GSK3B: variants seen among roughly 807,000 people sequenced by gnomAD.
GSK3B encodes the protein glycogen synthase kinase-3 beta.
Under a neutral mutation model 56.4 loss-of-function variants are expected in GSK3B, and 15 were observed. That is an observed-to-expected ratio of 0.27 (90% CI 0.18 to 0.41). GSK3B has a LOEUF of 0.41. Among genes scored for constraint, GSK3B ranks in the 10% least tolerant of loss-of-function variants. The probability of loss-of-function intolerance (pLI) is 1.00; values close to 1 mark genes in which losing one functional copy is unlikely to be tolerated. For synonymous variants in GSK3B, 181 were observed against 188.9 expected (o/e 0.96, Z 0.34); for missense variants, 300 against 513.4 (o/e 0.58, Z 4.02).
At chr3:120,056,163 G>A (rs1444805519) in intron 1 of GSK3B, among the ~76,000 whole-genome samples, 1 of 152,004 alleles carries the variant, frequency 6.6e-6, no homozygotes, top group Non-Finnish European at 1.5e-5. Context: ...TTTTTATTCT[G>A]GAAAATGTAA....
chr3:119,877,370 C>A (rs1243060154), intron 7 of GSK3B, among the ~76,000 whole-genome samples: 3 of 152,158 alleles, frequency 2.0e-5, no homozygotes, highest in African/African-American at 2.4e-5. Flanking sequence ...TATAACCTTA[C>A]ATCCTCCTAT....
chr3:119,973,581 A>C (rs1201700496), intron 2 of GSK3B, among the ~76,000 whole-genome samples: 1 of 152,246 alleles, frequency 6.6e-6, no homozygotes, highest in Non-Finnish European at 1.5e-5. Flanking sequence ...CTCATCATGT[A>C]GGCATTTTAT....
chr3:120,058,520 T>G (rs1202885254), intron 1 of GSK3B, among the ~76,000 whole-genome samples: 1 of 151,982 alleles, frequency 6.6e-6, no homozygotes, highest in Non-Finnish European at 1.5e-5. Context: ...TTCTTACATC[T>G]CAAGATGCAG....
At chr3:119,954,307 A>AGAATAGAATAGAATAGAATAGAAT (rs1559851422) in intron 2 of GSK3B, among the ~76,000 whole-genome samples, 3 of 121,666 alleles carry the variant, frequency 2.5e-5, no homozygotes, top group East Asian at 2.2e-4. Context: ...TAGAATAGAA[A>AGAATAGAATAGAATAGAATAGAAT]AGAAACAGAA....
intron 1 of GSK3B, among the ~76,000 whole-genome samples, chr3:120,086,495 T>A (rs1576319734): frequency 6.6e-6 from 1 of 152,280 alleles, no homozygotes; most frequent in East Asian, 1.9e-4. Context: ...CCTGCCTCTT[T>A]AAAAGAGAAT....
intron 3 of GSK3B, among the ~76,000 whole-genome samples, chr3:119,937,247 A>T (rs942437798): frequency 1.3e-5 from 2 of 152,018 alleles, no homozygotes; most frequent in Non-Finnish European, 2.9e-5. Context: ...GGTCTAATGG[A>T]AGGTATTTGG....
rs201555172 is a variant in GSK3B, at chr3:120,002,153, T to C, written c.175A>G (p.Thr59Ala). The change falls in exon 2 of 11, where the codon ACT becomes GCT. Residue 59 changes from threonine (T) to alanine (A), a missense_variant. Coordinates refer to ENST00000264235, the MANE Select transcript of GSK3B (RefSeq NM_001146156.2). Reference protein sequence around the residue: ...DRPQEVSYTDTKVIGNGSFGV... With the variant: ...DRPQEVSYTDAKVIGNGSFGV... The stretch of plus-strand genomic sequence containing the variant: ...AATGATCCATTTCCAATCACTTTAG[T>C]GTCTGTATAGCTGACTTCTTGTGGC... The C allele has an allele frequency of 3.1e-6, 5 of 1,612,468 alleles. No individual in the cohort carries two copies. Among genetic ancestry groups the C allele is most frequent in the Non-Finnish European group, 3.4e-6 (4 of 1,179,178 alleles).
chr3:120,036,878 G>A (rs1483156312), intron 1 of GSK3B, among the ~76,000 whole-genome samples: 1 of 150,458 alleles, frequency 6.6e-6, no homozygotes, highest in Non-Finnish European at 1.5e-5. Flanking sequence ...AAAATAATAT[G>A]CTACAATAAA....
At chr3:119,855,557 T>C (rs1431281780) in intron 9 of GSK3B, among the ~76,000 whole-genome samples, 1 of 152,124 alleles carries the variant, frequency 6.6e-6, no homozygotes, top group Non-Finnish European at 1.5e-5. Flanking sequence ...CTATTCACAA[T>C]AGCGAAGACT....
chr3:119,933,320 C>T (rs937197976), intron 3 of GSK3B, among the ~76,000 whole-genome samples: 9 of 152,120 alleles, frequency 5.9e-5, no homozygotes, highest in Non-Finnish European at 1.3e-4. Flanking sequence ...TTGTGAAAGT[C>T]CAAACTCATG....
chr3:120,009,698 G>T (rs1273852152), intron 1 of GSK3B, among the ~76,000 whole-genome samples: 1 of 152,072 alleles, frequency 6.6e-6, no homozygotes, highest in Admixed American at 6.5e-5. Flanking sequence ...GGGGGGTGGG[G>T]GGCTAGGGGA....
intron 1 of GSK3B, among the ~76,000 whole-genome samples, chr3:120,017,270 G>C (rs910570944): frequency 5.9e-5 from 9 of 152,122 alleles, no homozygotes; most frequent in African/African-American, 2.2e-4. Context: ...TCCAGTCAGT[G>C]GTCACATTCT....
intron 1 of GSK3B, among the ~76,000 whole-genome samples, chr3:120,082,807 T>C (rs540891306): frequency 1.2e-4 from 18 of 152,336 alleles, no homozygotes; most frequent in Admixed American, 3.3e-4. Context: ...CATCTTGATA[T>C]ATTATTAGTT....
At chr3:120,087,324 A>G (rs2058471484) in intron 1 of GSK3B, among the ~76,000 whole-genome samples, 2 of 152,180 alleles carry the variant, frequency 1.3e-5, no homozygotes, top group African/African-American at 4.8e-5. Flanking sequence ...CAAGGTCAGG[A>G]TTTTGAGACC....
intron 2 of GSK3B, among the ~76,000 whole-genome samples, chr3:119,992,848 T>C (rs546612681): frequency 3.3e-5 from 5 of 151,832 alleles, no homozygotes; most frequent in Non-Finnish European, 4.4e-5. Flanking sequence ...GTACTCAAAA[T>C]AGGAAGATTG....
chr3:119,855,092 T>C (rs2055998553), intron 9 of GSK3B, among the ~76,000 whole-genome samples: 2 of 152,248 alleles, frequency 1.3e-5, no homozygotes, highest in Admixed American at 1.3e-4. Context: ...CTGCTTTAAA[T>C]GTGTCCCAGA....
chr3:119,910,390 T>C (rs1343042364), intron 6 of GSK3B, among the ~76,000 whole-genome samples: 2 of 152,198 alleles, frequency 1.3e-5, no homozygotes, highest in Non-Finnish European at 2.9e-5. Context: ...AAAAGGTATG[T>C]TCACTCTATA....
At chr3:120,017,063 C>T (rs114366388) in intron 1 of GSK3B, among the ~76,000 whole-genome samples, 415 of 152,294 alleles carry the variant, frequency 2.7e-3, no homozygotes, top group African/African-American at 9.5e-3. Flanking sequence ...CTTAAAAACA[C>T]GCTTATCCGT....
At chr3:119,943,890 G>C (rs976939525) in intron 3 of GSK3B, among the ~76,000 whole-genome samples, 2 of 150,928 alleles carry the variant, frequency 1.3e-5, no homozygotes, top group African/African-American at 4.9e-5. Flanking sequence ...AGAGAGGGGG[G>C]ACAAAAGCCC....
Sources: allele counts gnomAD v4.1 joint callset (sites outside exome capture counted in the v4.1 genomes callset), GRCh38; gene constraint gnomAD v4.1.1; transcripts MANE v1.5; gene names NCBI Gene and HGNC (gene_info 2026-07-23, HGNC 2026-07-21).